The following PKIB variants were observed in gnomAD, a reference collection of about 807,000 sequenced individuals.
PKIB encodes the protein PKI-beta.
Under a neutral mutation model 4.5 loss-of-function variants are expected in PKIB, and 2 were observed. The observed-to-expected ratio is 0.44, with a 90% CI of 0.18 to 1.39. The LOEUF (loss-of-function observed/expected upper bound fraction) is 1.39. PKIB is among the 40% of genes most tolerant of loss of function. The probability of loss-of-function intolerance (pLI) is 0.27; values close to 1 mark genes in which losing one functional copy is unlikely to be tolerated. For missense variants in PKIB, 94 were observed against 92.6 expected (o/e 1.02, Z -0.06); for synonymous variants, 38 against 36.0 (o/e 1.06, Z -0.20).
At chr6:122,616,980 T>C (rs1009361301) in intron 1 of PKIB, among the ~76,000 whole-genome samples, 2 of 152,178 alleles carry the variant, frequency 1.3e-5, no homozygotes, top group East Asian at 3.9e-4. Context: ...CCAAGTTTGA[T>C]TGATGCTTAT....
chr6:122,685,050 C>T (rs2114983878), intron 3 of PKIB, among the ~76,000 whole-genome samples: 1 of 152,192 alleles, frequency 6.6e-6, no homozygotes, highest in South Asian at 2.1e-4. Flanking sequence ...CTAAACTTCT[C>T]AGATTATTGA....
upstream of PKIB, among the ~76,000 whole-genome samples, chr6:122,609,938 C>T (rs1774677906): frequency 6.6e-6 from 1 of 152,138 alleles, no homozygotes; most frequent in Non-Finnish European, 1.5e-5. Context: ...ACCTTCCTAC[C>T]TTCTCCAAAC....
At chr6:122,583,894 G>A (rs556807460) in intron 2 of PKIB, among the ~76,000 whole-genome samples, 1 of 152,206 alleles carries the variant, frequency 6.6e-6, no homozygotes, top group African/African-American at 2.4e-5. Flanking sequence ...GCTGGGCTAT[G>A]CCCCTTTTCG....
chr6:122,713,437 G>T (rs1779351156), intron 3 of PKIB, among the ~76,000 whole-genome samples: 1 of 152,136 alleles, frequency 6.6e-6, no homozygotes, highest in Non-Finnish European at 1.5e-5. Flanking sequence ...TTTCTCTGCA[G>T]TATTTCCTCA....
chr6:122,639,593 A>T (rs1021648048), intron 2 of PKIB, among the ~76,000 whole-genome samples: 1 of 152,188 alleles, frequency 6.6e-6, no homozygotes, highest in African/African-American at 2.4e-5. Flanking sequence ...GAGTGTGAGG[A>T]GACCCAAAAG....
At chr6:122,478,503 G>A (rs1239652869) in intron 2 of PKIB, 4 of 152,162 alleles carry the variant, frequency 2.6e-5, no homozygotes, top group Admixed American at 6.5e-5. Flanking sequence ...GTACTCCATA[G>A]TTCAGTTCTA....
intron 2 of PKIB, among the ~76,000 whole-genome samples, chr6:122,556,940 G>A (rs1297686624): frequency 1.3e-5 from 2 of 152,212 alleles, no homozygotes; most frequent in South Asian, 2.1e-4. Flanking sequence ...TCAGCCGGGC[G>A]TGGTGGCTTA....
intron 2 of PKIB, among the ~76,000 whole-genome samples, chr6:122,552,212 G>A (rs780440927): frequency 4.6e-5 from 7 of 151,996 alleles, no homozygotes; most frequent in African/African-American, 1.2e-4. Flanking sequence ...TGTTCCTTTC[G>A]TCAGGCTCCT....
chr6:122,570,724 GA>G (rs1242559117), intron 2 of PKIB, among the ~76,000 whole-genome samples: 3 of 151,434 alleles, frequency 2.0e-5, no homozygotes, highest in Admixed American at 6.6e-5. Flanking sequence ...TCCTAAGAGG[GA>G]AAAAAAGAAA....
rs867183750 is a variant in PKIB, at chr6:122,540,201, C to G, written c.-247-45720C>G. On this transcript the variant is annotated intron_variant, in intron 2 of 6. Transcript: ENST00000392491. ...TTCCTTCAGTTCTGCTCTGATTTTA[C>G]TTATTTCTTGCCTTCTGCTAGCTTT... Among the ~76,000 whole-genome samples, 94 of 151,858 alleles carry G rather than the reference C, an allele frequency of 6.2e-4. 1 individual carries two copies. The highest frequency in any genetic ancestry group is 2.0e-3 in the African/African-American group (82 of 41,376).
At chr6:122,704,409 A>G (rs1426688832) in intron 3 of PKIB, among the ~76,000 whole-genome samples, 1 of 152,136 alleles carries the variant, frequency 6.6e-6, no homozygotes, top group Non-Finnish European at 1.5e-5. Flanking sequence ...ACTTCTTAAC[A>G]GCAAAAATAG....
chr6:122,515,485 C>T (rs1402343366), intron 2 of PKIB, among the ~76,000 whole-genome samples: 1 of 152,108 alleles, frequency 6.6e-6, no homozygotes, highest in Non-Finnish European at 1.5e-5. Flanking sequence ...TTAAATAATA[C>T]TTGAGAATAA....
chr6:122,510,726 A>C (rs1582667077), intron 2 of PKIB, among the ~76,000 whole-genome samples: 1 of 152,106 alleles, frequency 6.6e-6, no homozygotes, highest in East Asian at 1.9e-4. Flanking sequence ...TAACTATTTT[A>C]TGAAGTGTCC....
At chr6:122,618,610 T>C (rs1001318617) in intron 1 of PKIB, among the ~76,000 whole-genome samples, 2 of 152,086 alleles carry the variant, frequency 1.3e-5, no homozygotes, top group African/African-American at 4.8e-5. Context: ...CATAACTTTT[T>C]AAAAGACAAA....
chr6:122,697,608 C>A (rs1388695974), intron 3 of PKIB, among the ~76,000 whole-genome samples: 1 of 152,022 alleles, frequency 6.6e-6, no homozygotes, highest in East Asian at 1.9e-4. Context: ...TTGAGACTAA[C>A]CAATGCTTGT....
chr6:122,540,288 G>A (rs1306225157), intron 2 of PKIB, among the ~76,000 whole-genome samples: 2 of 151,740 alleles, frequency 1.3e-5, no homozygotes, highest in Non-Finnish European at 1.5e-5. Flanking sequence ...GTCAATTCTG[G>A]ATCTTTTCTG....
chr6:122,698,452 G>T (rs1312566033), intron 3 of PKIB, among the ~76,000 whole-genome samples: 1 of 152,090 alleles, frequency 6.6e-6, no homozygotes, highest in African/African-American at 2.4e-5. Flanking sequence ...GGGTACAGAG[G>T]GTCACAGGCT....
intron 2 of PKIB, among the ~76,000 whole-genome samples, chr6:122,636,623 A>G (rs899826948): frequency 2.0e-5 from 3 of 152,140 alleles, no homozygotes; most frequent in Non-Finnish European, 2.9e-5. Flanking sequence ...TAGATGTTGT[A>G]CACGTTAGCT....
intron 2 of PKIB, among the ~76,000 whole-genome samples, chr6:122,539,351 G>A (rs1301661446): frequency 1.2e-4 from 18 of 151,930 alleles, no homozygotes; most frequent in East Asian, 9.6e-4. Flanking sequence ...TTTGAGATAC[G>A]TCCCATCAAT....
Sources: allele counts gnomAD v4.1 joint callset (sites outside exome capture counted in the v4.1 genomes callset), GRCh38; gene constraint gnomAD v4.1.1; transcripts MANE v1.5; gene names NCBI Gene and HGNC (gene_info 2026-07-23, HGNC 2026-07-21).